CMTR1: variants seen among roughly 807,000 people sequenced by gnomAD.
CMTR1 encodes cap-specific mRNA (nucleoside-2'-O-)-methyltransferase 1.
A neutral mutation model predicts 107.0 loss-of-function variants in CMTR1; 39 were observed. That is an observed-to-expected ratio of 0.36 (90% CI 0.28 to 0.48). The LOEUF (loss-of-function observed/expected upper bound fraction) is 0.48. Among genes scored for constraint, CMTR1 ranks in the 20% least tolerant of loss-of-function variants. The pLI, the probability that CMTR1 is intolerant of heterozygous loss-of-function variation, is 0.99. For synonymous variants in CMTR1, 366 were observed against 379.5 expected (o/e 0.96, Z 0.41); for missense variants, 672 against 1,064.9 (o/e 0.63, Z 5.14).
At chr6:37,442,297 G>A (rs1322714789) in intron 2 of CMTR1, among the ~76,000 whole-genome samples, 1 of 152,154 alleles carries the variant, frequency 6.6e-6, no homozygotes, top group African/African-American at 2.4e-5. Context: ...GCCCAGGAGG[G>A]CTCCGTTCTC....
intron 8 of CMTR1, among the ~76,000 whole-genome samples, chr6:37,454,812 G>A (rs911782632): frequency 6.6e-5 from 10 of 152,286 alleles, no homozygotes; most frequent in African/African-American, 2.4e-4. Flanking sequence ...CGAGCCCCTG[G>A]TGTTTTATTT....
chr6:37,475,701 C>T, intron 19 of CMTR1: 1 of 532,286 alleles, frequency 1.9e-6, no homozygotes, highest in Non-Finnish European at 3.4e-6. Flanking sequence ...AAGAGGGTGA[C>T]CTTGCGGGTA....
chr6:37,462,125 A>T (rs1261060139), intron 12 of CMTR1, 23 bp downstream of exon 12: 9 of 1,613,790 alleles, frequency 5.6e-6, no homozygotes, highest in Non-Finnish European at 7.6e-6. Flanking sequence ...TCTCTATATT[A>T]GCCAGATTAA....
chr6:37,441,499 C>T (rs1372477166), intron 2 of CMTR1, among the ~76,000 whole-genome samples: 2 of 151,146 alleles, frequency 1.3e-5, no homozygotes, highest in Admixed American at 1.3e-4. Context: ...ACCGCAATCT[C>T]CACCTCCTGG....
At chr6:37,463,676 T>G (rs1581744550) in intron 13 of CMTR1, among the ~76,000 whole-genome samples, 1 of 152,166 alleles carries the variant, frequency 6.6e-6, no homozygotes. Flanking sequence ...AAGGCCTTAG[T>G]TAAGGGTCCA....
At chr6:37,461,487 G>A (rs1581742831) in intron 10 of CMTR1, 62 bp from the exon 11 acceptor site, 2 of 852,784 alleles carry the variant, frequency 2.3e-6, no homozygotes, top group South Asian at 1.6e-5. Flanking sequence ...ATGAGGTAGT[G>A]ATGTTATTCT....
the CMTR1 span, among the ~76,000 whole-genome samples, chr6:37,425,484 C>CG: frequency 6.8e-6 from 1 of 147,652 alleles, no homozygotes; most frequent in East Asian, 2.0e-4. Context: ...TTAGTAGAGA[C>CG]GGGGTTGTAC....
chr6:37,461,669 T>G lies in CMTR1; in HGVS notation c.1192+24T>G, dbSNP rs369263332. On this transcript the variant is annotated intron_variant, in intron 11 of 23. Coordinates refer to ENST00000373451, the MANE Select transcript of CMTR1 (RefSeq NM_015050.3). Reference sequence around the variant, plus strand: ...AGGTGACACTTCCTCAGCTGTCTCCTCACCCCAGGACCCACTTAGAGGCCC... The same window carrying G: ...AGGTGACACTTCCTCAGCTGTCTCCGCACCCCAGGACCCACTTAGAGGCCC... 7.5e-4 allele frequency: 1,126 copies of G among 1,505,264 alleles called. 2 individuals are homozygous for G. Among genetic ancestry groups the G allele is most frequent in the Non-Finnish European group, 9.5e-4 (1,038 of 1,092,824 alleles). The allele number at this position is 1,505,264 out of a possible 1,614,324, so 93.2% of individuals were successfully genotyped here.
intron 5 of CMTR1, among the ~76,000 whole-genome samples, chr6:37,451,206 G>A (rs1005593838): frequency 5.3e-5 from 8 of 151,944 alleles, no homozygotes; most frequent in Non-Finnish European, 1.2e-4. Flanking sequence ...TAGATTACCT[G>A]TCTATTATCT....
In CMTR1 at chr6:37,480,288, C is replaced by T; in HGVS notation, c.*143C>T. 8 of 1,456,976 alleles carry T rather than the reference C, an allele frequency of 5.5e-6. No homozygotes were observed. The highest frequency in any genetic ancestry group is 7.1e-6 in the Non-Finnish European group (8 of 1,120,804). 90.3% of individuals were successfully genotyped at this position (1,456,976 alleles called of 1,614,324 possible). A position where few individuals can be genotyped will look rare whatever the true frequency, so the allele number is the denominator to read the frequency against. On this transcript the variant is annotated 3_prime_UTR_variant, in exon 24 of 24. Coordinates refer to ENST00000373451, the MANE Select transcript of CMTR1 (RefSeq NM_015050.3). ...TGGCATGAGGAGTGGGTGGCCTCCT[C>T]TCCATCCCCTGAAGAGCTCAGGCAG...
At chr6:37,437,231 A>T (rs1581725888) in intron 2 of CMTR1, among the ~76,000 whole-genome samples, 1 of 147,106 alleles carries the variant, frequency 6.8e-6, no homozygotes, top group Non-Finnish European at 1.5e-5. Flanking sequence ...TTTTTTTTTT[A>T]AAGCTCATCA....
At chr6:37,462,236 A>G in intron 12 of CMTR1, 134 bp downstream of exon 12, 1 of 1,017,182 alleles carries the variant, frequency 9.8e-7, no homozygotes, top group South Asian at 1.5e-5. Context: ...GAGAGCCAAC[A>G]GGATTCAGGA....
intron 3 of CMTR1, among the ~76,000 whole-genome samples, chr6:37,444,506 G>T (rs1771741794): frequency 6.6e-6 from 1 of 152,118 alleles, no homozygotes; most frequent in African/African-American, 2.4e-5. Context: ...CTAGTGAGTG[G>T]TGTCAAAAGA....
At chr6:37,467,193 T>G (rs1047213436) in intron 13 of CMTR1, among the ~76,000 whole-genome samples, 2 of 152,206 alleles carry the variant, frequency 1.3e-5, no homozygotes, top group Non-Finnish European at 2.9e-5. Flanking sequence ...TAGCTGAATC[T>G]CCTACATTTT....
At chr6:37,471,455 G>A (rs538467552) in intron 14 of CMTR1, among the ~76,000 whole-genome samples, 2 of 152,300 alleles carry the variant, frequency 1.3e-5, no homozygotes, top group East Asian at 3.9e-4. Flanking sequence ...GTGAACATAA[G>A]CTAATTCAGC....
chr6:37,474,791 C>A, intron 18 of CMTR1, 145 bp downstream of exon 18: 3 of 1,252,794 alleles, frequency 2.4e-6, no homozygotes, highest in Non-Finnish European at 3.3e-6. Flanking sequence ...TATAATGACT[C>A]CTCCCCGAGC....
chr6:37,469,011 C>G (rs990803093), intron 13 of CMTR1, among the ~76,000 whole-genome samples: 6 of 152,174 alleles, frequency 3.9e-5, no homozygotes, highest in African/African-American at 1.4e-4. Flanking sequence ...TGAGACTGGC[C>G]TGGCCAACAT....
intron 5 of CMTR1, 60 bp downstream of exon 5, chr6:37,450,403 C>A: frequency 7.8e-7 from 1 of 1,276,418 alleles, no homozygotes; most frequent in South Asian, 1.2e-5. Context: ...TTCACTTGCT[C>A]GAGTCTGGTA....
rs182046047 is a variant in CMTR1, at chr6:37,458,432, G to T, written c.778-180G>T. Among the ~76,000 whole-genome samples, 6 of 152,322 alleles carry T rather than the reference G, an allele frequency of 3.9e-5. No individual in the cohort carries two copies. The highest frequency in any genetic ancestry group is 3.9e-4 in the Admixed American group (6 of 15,302). ...CATTGTGGGTATTTTGAGGGTGGGT[G>T]AGGCAACACTAAAGGGTGTTAATCA... On this transcript the variant is annotated intron_variant, in intron 8 of 23. Coordinates refer to ENST00000373451, the MANE Select transcript of CMTR1 (RefSeq NM_015050.3). The surrounding 1 kb of genome is among the most constrained non-coding windows in gnomAD (Gnocchi z 4.7).
Sources: gnomAD v4.1 joint callset for allele counts (sites outside exome capture counted in the v4.1 genomes callset) on GRCh38, gnomAD v4.1.1 for gene constraint, Gnocchi (gnomAD v3.1) non-coding constraint, MANE v1.5 for transcripts, NCBI Gene and HGNC (gene_info 2026-07-23, HGNC 2026-07-21) for gene names.